TOPBP1: variants seen among roughly 807,000 people sequenced by gnomAD.
TOPBP1 encodes DNA topoisomerase II binding protein 1, also known as DNA topoisomerase 2-binding protein 1.
In TOPBP1, 28 loss-of-function variants were observed where a neutral mutation model predicts 167.7. That is an observed-to-expected ratio of 0.17 (90% CI 0.12 to 0.23). The LOEUF is 0.23. Ranked by LOEUF, TOPBP1 falls within the 10% of genes least tolerant of loss-of-function variation. The probability of loss-of-function intolerance (pLI) is 1.00; values close to 1 mark genes in which losing one functional copy is unlikely to be tolerated. For synonymous variants in TOPBP1, 598 were observed against 611.4 expected (o/e 0.98, Z 0.32); for missense variants, 1,554 against 1,809.6 (o/e 0.86, Z 2.56).
chr3:133,625,972 TC>T (rs1268177733), intron 16 of TOPBP1, among the ~76,000 whole-genome samples: 1 of 152,172 alleles, frequency 6.6e-6, no homozygotes, highest in African/African-American at 2.4e-5. Flanking sequence ...ACCAGTCAAC[TC>T]CACTATGACA....
intron 27 of TOPBP1, among the ~76,000 whole-genome samples, chr3:133,606,672 TCAA>T (rs1242733282): frequency 6.6e-6 from 1 of 152,054 alleles, no homozygotes; most frequent in Non-Finnish European, 1.5e-5. Context: ...AGGAAAGGTA[TCAA>T]CAAGTAGATA....
chr3:133,609,048 G>C, intron 25 of TOPBP1, 86 bp from the exon 26 acceptor site: 1 of 1,079,684 alleles, frequency 9.3e-7, no homozygotes, highest in East Asian at 2.5e-5. Flanking sequence ...TGTAGACTTA[G>C]TTTTGTCAAT....
rs766867023 is a variant in TOPBP1, at chr3:133,652,641, G to C, written c.923-12C>G. 1 of 1,582,190 alleles carries C rather than the reference G, an allele frequency of 6.3e-7. No homozygotes were observed. Among genetic ancestry groups the C allele is most frequent in the South Asian group, 1.2e-5 (1 of 86,456 alleles). On this transcript the variant is annotated splice_polypyrimidine_tract_variant and intron_variant, in intron 7 of 27. Transcript: ENST00000260810. ...TGAAAGAGTACGACCTACATATTTT[G>C]AAAACGTATAAATTTATGGGAGATA...
chr3:133,637,396 T>C (rs575946308), intron 14 of TOPBP1, among the ~76,000 whole-genome samples: 1 of 152,312 alleles, frequency 6.6e-6, no homozygotes, highest in East Asian at 1.9e-4. Flanking sequence ...ACTTAACTCA[T>C]GTCTTTACAG....
chr3:133,635,315 A>G (rs1254665211), intron 14 of TOPBP1, among the ~76,000 whole-genome samples: 2 of 152,162 alleles, frequency 1.3e-5, no homozygotes, highest in Non-Finnish European at 2.9e-5. Context: ...GTGCAGTGGT[A>G]GGATGATAGC....
chr3:133,617,330 A>T lies in TOPBP1; in HGVS notation c.3593-4T>A, dbSNP rs1934930901. ...ATGTTTCCAGGATCACAGACAGCTG[A>T]GGACAATAAAATGCTGCAGTGTGAC... is the stretch of plus-strand genomic sequence containing the variant. On this transcript the variant is annotated splice_polypyrimidine_tract_variant and splice_region_variant and intron_variant, in intron 21 of 27. Coordinates refer to ENST00000260810, the MANE Select transcript of TOPBP1 (RefSeq NM_007027.4). The T allele has an allele frequency of 1.3e-6, 2 of 1,599,204 alleles. No homozygotes were observed. Among genetic ancestry groups the T allele is most frequent in the Non-Finnish European group, 1.7e-6 (2 of 1,174,856 alleles).
Position 133,618,433 on chromosome 3 carries a change from C to T in TOPBP1, c.3372G>A (p.Arg1124=). ...SGRSRVLEAL[R]QSRQTVPDVN... ...CATCAGGTACTGTCTGACGAGACTG[C>T]CTAAGGAATAGAAGTGACAGTTTAA... Residue 1124 remains arginine (R), a splice_region_variant and synonymous_variant, in exon 21 of 28, where the codon AGG becomes AGA. Coordinates refer to ENST00000260810, the MANE Select transcript of TOPBP1 (RefSeq NM_007027.4). 6.2e-7 allele frequency: 1 copy of T among 1,612,482 alleles called. No homozygotes were observed. Among genetic ancestry groups the T allele is most frequent in the Non-Finnish European group, 8.5e-7 (1 of 1,178,774 alleles).
intron 4 of TOPBP1, 93 bp from the exon 5 acceptor site, chr3:133,656,950 A>G (rs1191874773): frequency 2.6e-6 from 3 of 1,147,594 alleles, no homozygotes; most frequent in Non-Finnish European, 3.5e-6. Flanking sequence ...TGCTGTTGAC[A>G]GTTTGAATAC....
At chr3:133,654,480 G>A (rs1459225580) in intron 6 of TOPBP1, among the ~76,000 whole-genome samples, 1 of 152,094 alleles carries the variant, frequency 6.6e-6, no homozygotes, top group Non-Finnish European at 1.5e-5. Flanking sequence ...AAGAACAGCA[G>A]TATCAACTCT....
rs555178494 is a variant in TOPBP1, at chr3:133,618,084, C to A, written c.3592+129G>T. On this transcript the variant is annotated intron_variant, in intron 21 of 27. Transcript: ENST00000260810. ...TTCTGGCTCAAGTTTAAACCAAAAC[C>A]AGAAATATCTACGAAGTTTTTTTTG... The A allele has an allele frequency of 1.2e-4, 89 of 752,976 alleles. No homozygotes were observed. In the Middle Eastern group the frequency reaches 1.4e-3, roughly 12 times the overall value. The allele number at this position is 752,976 out of a possible 1,614,324, so 46.6% of individuals were successfully genotyped here.
chr3:133,623,973 C>T, intron 17 of TOPBP1, 79 bp downstream of exon 17: 2 of 1,483,312 alleles, frequency 1.3e-6, no homozygotes, highest in Non-Finnish European at 1.8e-6. Context: ...AGAGTGAAAA[C>T]TCTTGAGTTA....
rs1935152914 is a variant in TOPBP1, at chr3:133,623,188, A to C, written c.3081T>G (p.Asp1027Glu). ...AVSSTKDDEP[D>E]PLILEENDVD... ...CATCATTTTCTTCTAAAATCAAAGG[A>C]TCTGGCTATTGAAAAAGAAAAATTA... The change falls in exon 19 of 28, where the codon GAT becomes GAG. Residue 1027 changes from aspartate to glutamate, a missense_variant. Asp to Glu is a conservative substitution (Grantham distance 45). This residue lies in a region of TOPBP1 where 1,197 missense variants were observed against 1,351.5 expected (regional missense o/e 0.89). Transcript: ENST00000260810. 2 of 1,611,800 alleles carry C rather than the reference A, an allele frequency of 1.2e-6. No individual in the cohort carries two copies. Among genetic ancestry groups the C allele is most frequent in the African/African-American group, 2.7e-5 (2 of 74,808 alleles).
In TOPBP1 at chr3:133,652,647, G is replaced by A. The variant is rs367582505; in HGVS notation, c.923-18C>T. 31 of 1,573,926 alleles carry A rather than the reference G, an allele frequency of 2.0e-5. No homozygotes were observed. Among genetic ancestry groups the A allele is most frequent in the African/African-American group, 1.8e-4 (13 of 72,750 alleles). On this transcript the variant is annotated intron_variant, in intron 7 of 27. Coordinates refer to ENST00000260810, the MANE Select transcript of TOPBP1 (RefSeq NM_007027.4). The stretch of plus-strand genomic sequence containing the variant: ...AGTACGACCTACATATTTTGAAAAC[G>A]TATAAATTTATGGGAGATAAAATAA...
rs201323961 is a variant in TOPBP1, at chr3:133,601,378, C to T, written c.4441G>A (p.Val1481Ile). Reference sequence around the variant, plus strand: ...GCTTCTGGTAGACAGTAATTTTCTACATGAGGAGGTGATTCCTATAAAAGG... The same window carrying T: ...GCTTCTGGTAGACAGTAATTTTCTATATGAGGAGGTGATTCCTATAAAAGG... ...DYLMQESPPHVENYCLPEAIS... is the reference protein window; with the variant it reads ...DYLMQESPPHIENYCLPEAIS... The change falls in exon 28 of 28, where the codon GTA becomes ATA. Residue 1481 changes from valine to isoleucine, a missense_variant. By Grantham distance (29) the Val-to-Ile change is conservative. Transcript: ENST00000260810. 1.0e-4 allele frequency: 157 copies of T among 1,537,512 alleles called. No homozygotes were observed. Among genetic ancestry groups the T allele is most frequent in the Non-Finnish European group, 1.3e-4 (143 of 1,141,950 alleles).
In TOPBP1 at chr3:133,604,157, C is replaced by T. The variant is rs577563794; in HGVS notation, c.4426-2764G>A. 2.1e-4 allele frequency among the ~76,000 whole-genome samples: 31 copies of T among 150,272 alleles called. No homozygotes were observed. In the East Asian group the frequency reaches 5.4e-3, roughly 26 times the overall value. ...ATTTATTTATTTATTTATTTTGAAA[C>T]GGAGTCTTGCTCTGTTGCCCAAGCT... On this transcript the variant is annotated intron_variant, in intron 27 of 27. Transcript: ENST00000260810.
At chr3:133,657,458 T>C (rs1936518365) in intron 4 of TOPBP1, among the ~76,000 whole-genome samples, 2 of 151,394 alleles carry the variant, frequency 1.3e-5, no homozygotes, top group South Asian at 4.2e-4. Context: ...GTTGGCTCAC[T>C]GCAACCTCCA....
chr3:133,649,736 A>G (rs1312642526), intron 9 of TOPBP1, 44 bp downstream of exon 9: 1 of 1,581,900 alleles, frequency 6.3e-7, no homozygotes, highest in South Asian at 1.2e-5. Flanking sequence ...ATTTTAAGAA[A>G]AATTATGTAG....
chr3:133,609,470 T>C (rs1311162239), intron 25 of TOPBP1, among the ~76,000 whole-genome samples: 1 of 152,158 alleles, frequency 6.6e-6, no homozygotes, highest in Non-Finnish European at 1.5e-5. Flanking sequence ...ACTATTTAAC[T>C]CAGGGGTTCT....
intron 19 of TOPBP1, among the ~76,000 whole-genome samples, chr3:133,621,869 C>G (rs1935099078): frequency 6.6e-6 from 1 of 152,028 alleles, no homozygotes; most frequent in African/African-American, 2.4e-5. Flanking sequence ...CACTGCAGTA[C>G]TATTTATAAA....
Sources: gnomAD v4.1 joint callset for allele counts (sites outside exome capture counted in the v4.1 genomes callset) on GRCh38, gnomAD v4.1.1 for gene constraint, gnomAD v4.1.1 regional missense constraint, MANE v1.5 for transcripts, NCBI Gene and HGNC (gene_info 2026-07-23, HGNC 2026-07-21) for gene names.